EPDR1: variants seen among roughly 807,000 people sequenced by gnomAD.
EPDR1 encodes ependymin related 1.
A neutral mutation model predicts 23.7 loss-of-function variants in EPDR1; 27 were observed. That is an observed-to-expected ratio of 1.14 (90% CI 0.84 to 1.57). The LOEUF is 1.57. Ranked by LOEUF, EPDR1 falls within the 40% of genes most tolerant of loss-of-function variation. The pLI is 0.00. For missense variants in EPDR1, 349 were observed against 290.4 expected (o/e 1.20, Z -1.47); for synonymous variants, 137 against 118.2 (o/e 1.16, Z -1.03).
intron 1 of EPDR1, among the ~76,000 whole-genome samples, chr7:37,944,009 T>G (rs543873153): frequency 6.1e-4 from 93 of 152,318 alleles, no homozygotes; most frequent in Middle Eastern, 3.4e-3. Flanking sequence ...TGCTGGCAGC[T>G]GCTCCCCGGG....
At chr7:37,934,926 C>G (rs899726787) in intron 1 of EPDR1, among the ~76,000 whole-genome samples, 3 of 151,356 alleles carry the variant, frequency 2.0e-5, no homozygotes, top group Admixed American at 6.6e-5. Context: ...GCCTGGGTGA[C>G]AGAGTGACAC....
intron 1 of EPDR1, among the ~76,000 whole-genome samples, chr7:37,945,258 C>A (rs1282978489): frequency 2.0e-5 from 3 of 152,196 alleles, no homozygotes; most frequent in African/African-American, 7.2e-5. Context: ...GTTGACCCTG[C>A]ATGCATATTA....
In EPDR1 at chr7:37,950,353, A is replaced by G; in HGVS notation, c.632A>G (p.Gln211Arg). ...PSVFTPPSTCQMAQLEKMSED... is the reference protein window; with the variant it reads ...PSVFTPPSTCRMAQLEKMSED... Reference sequence around the variant, plus strand: ...GTGTTTACCCCTCCAAGCACGTGCCAGATGGCCCAACTGGAGAAGATGAGC... The same window carrying G: ...GTGTTTACCCCTCCAAGCACGTGCCGGATGGCCCAACTGGAGAAGATGAGC... The change falls in exon 3 of 3, where the codon CAG (glutamine) becomes CGG (arginine). Residue 211 changes from glutamine (Q) to arginine (R), a missense_variant. Coordinates refer to ENST00000199448, the MANE Select transcript of EPDR1 (RefSeq NM_017549.5). The G allele has an allele frequency of 6.2e-7, 1 of 1,613,878 alleles. No individual in the cohort carries two copies. Among genetic ancestry groups the G allele is most frequent in the Non-Finnish European group, 8.5e-7 (1 of 1,179,870 alleles).
At chr7:37,923,550 A>G (rs924344248) in intron 1 of EPDR1, among the ~76,000 whole-genome samples, 2 of 152,168 alleles carry the variant, frequency 1.3e-5, no homozygotes, top group Admixed American at 6.5e-5. Context: ...GAAGACTTGT[A>G]CAGTAGTGGC....
chr7:37,951,581 A>G lies in EPDR1; in HGVS notation c.*1185A>G, dbSNP rs1786408503. 1 of 152,236 alleles carries G rather than the reference A, an allele frequency of 6.6e-6. No homozygotes were observed. Among genetic ancestry groups the G allele is most frequent in the Admixed American group, 6.5e-5 (1 of 15,290 alleles). The allele number at this position is 152,236 out of a possible 1,614,324, so 9.4% of individuals were successfully genotyped here. A position where few individuals can be genotyped will look rare whatever the true frequency, so the allele number is the denominator to read the frequency against. Reference sequence around the variant, plus strand: ...CTGGCACATAGTCAGTGCCCTAAGTATTCGTAGAGTGAAGAATGCCAGCCT... The same window carrying G: ...CTGGCACATAGTCAGTGCCCTAAGTGTTCGTAGAGTGAAGAATGCCAGCCT... On this transcript the variant is annotated 3_prime_UTR_variant, in exon 3 of 3. Transcript: ENST00000199448.
intron 1 of EPDR1, among the ~76,000 whole-genome samples, chr7:37,934,341 G>T (rs1309192407): frequency 6.6e-6 from 1 of 152,172 alleles, no homozygotes; most frequent in Non-Finnish European, 1.5e-5. Flanking sequence ...TTGCCTCATG[G>T]CTTCAAGATG....
At chr7:37,941,293 T>G (rs534388265) in intron 1 of EPDR1, among the ~76,000 whole-genome samples, 3 of 152,324 alleles carry the variant, frequency 2.0e-5, no homozygotes, top group Non-Finnish European at 2.9e-5. Context: ...TGACAGTTAT[T>G]GGGTAACAGG....
At chr7:37,937,677 C>T (rs899217371) in intron 1 of EPDR1, among the ~76,000 whole-genome samples, 5 of 152,122 alleles carry the variant, frequency 3.3e-5, no homozygotes, top group African/African-American at 4.8e-5. Context: ...TTCTGAGGTG[C>T]CTTATCTTTG....
Position 37,920,703 on chromosome 7 carries a change from A to C in EPDR1, c.-237A>C, listed in dbSNP as rs1785672283. ...AGTGGCAGCAGGCAGTGGCCCAGGCAGAAATAGCTCCCGCGCGATTCACTG... is the reference window on the plus strand; with the variant it reads ...AGTGGCAGCAGGCAGTGGCCCAGGCCGAAATAGCTCCCGCGCGATTCACTG... On this transcript the variant is annotated 5_prime_UTR_variant, in exon 1 of 3. Transcript: ENST00000199448. 2.0e-5 allele frequency: 32 copies of C among 1,603,966 alleles called. No homozygotes were observed. The highest frequency in any genetic ancestry group is 2.7e-5 in the Non-Finnish European group (32 of 1,174,080).
intron 1 of EPDR1, among the ~76,000 whole-genome samples, chr7:37,922,670 G>GGT (rs1785731642): frequency 6.6e-6 from 1 of 151,112 alleles, no homozygotes; most frequent in Non-Finnish European, 1.5e-5. Flanking sequence ...GAAGCTAGGG[G>GGT]GGGGTTCTGA....
At chr7:37,949,417 A>G (rs564680177) in intron 2 of EPDR1, among the ~76,000 whole-genome samples, 4 of 152,296 alleles carry the variant, frequency 2.6e-5, no homozygotes, top group Admixed American at 1.3e-4. Context: ...CAGGGGTCAA[A>G]TCTACTCCCA....
At chr7:37,923,516 T>C (rs1208538744) in intron 1 of EPDR1, among the ~76,000 whole-genome samples, 1 of 152,134 alleles carries the variant, frequency 6.6e-6, no homozygotes, top group African/African-American at 2.4e-5. Flanking sequence ...TAAGGGTGCA[T>C]TGGTATCCTA....
rs768112913 is a variant in EPDR1, at chr7:37,949,030, A to G, written c.460A>G (p.Arg154Gly). ...GATCACCGTCCAGGAGTGGTCGGAC[A>G]GAAAGTCAGCTAGATCCTGTAAGGG... ...EQITVQEWSD[R>G]KSARSYETWI... is the part of the protein sequence containing the mutation. The change falls in exon 2 of 3, where the codon AGA (arginine) becomes GGA (glycine). Residue 154 changes from arginine (R) to glycine (G), a missense_variant. Physicochemically the swap from Arg to Gly is moderately radical, Grantham distance 125. Transcript: ENST00000199448. 6.2e-7 allele frequency: 1 copy of G among 1,614,194 alleles called. No individual in the cohort carries two copies. Among genetic ancestry groups the G allele is most frequent in the African/African-American group, 1.3e-5 (1 of 75,062 alleles).
At chr7:37,938,874 A>G (rs1243656271) in intron 1 of EPDR1, among the ~76,000 whole-genome samples, 1 of 152,212 alleles carries the variant, frequency 6.6e-6, no homozygotes, top group South Asian at 2.1e-4. Flanking sequence ...TCAGAATTGT[A>G]TAAGCTGAAC....
chr7:37,934,128 C>T (rs1404732074), intron 1 of EPDR1, among the ~76,000 whole-genome samples: 1 of 152,162 alleles, frequency 6.6e-6, no homozygotes, highest in African/African-American at 2.4e-5. Context: ...AGGTGCCCAC[C>T]ACCACGCCTG....
At chr7:37,947,800 C>G (rs866309180) in intron 1 of EPDR1, among the ~76,000 whole-genome samples, 6 of 152,190 alleles carry the variant, frequency 3.9e-5, no homozygotes, top group Admixed American at 6.5e-5. Context: ...AAGGAAGATA[C>G]AGGACTGATG....
At chr7:37,932,062 C>G (rs945386434) in intron 1 of EPDR1, among the ~76,000 whole-genome samples, 1 of 152,080 alleles carries the variant, frequency 6.6e-6, no homozygotes, top group Non-Finnish European at 1.5e-5. Flanking sequence ...TTTGTTGGTT[C>G]CTTACAGAAT....
chr7:37,924,450 G>GT (rs1292098400), intron 1 of EPDR1, among the ~76,000 whole-genome samples: 1 of 152,192 alleles, frequency 6.6e-6, no homozygotes, highest in Non-Finnish European at 1.5e-5. Flanking sequence ...CCCTTGGTGA[G>GT]TACTGCTCAA....
At chr7:37,940,427 C>T (rs560191058) in intron 1 of EPDR1, among the ~76,000 whole-genome samples, 1 of 151,914 alleles carries the variant, frequency 6.6e-6, no homozygotes, top group East Asian at 1.9e-4. Flanking sequence ...GTGTAAAGTC[C>T]CTGAATTGGG....
Sources: allele counts gnomAD v4.1 joint callset (sites outside exome capture counted in the v4.1 genomes callset), GRCh38; gene constraint gnomAD v4.1.1; transcripts MANE v1.5; gene names NCBI Gene and HGNC (gene_info 2026-07-23, HGNC 2026-07-21).